The following ALDH8A1 variants were observed in gnomAD, a reference collection of about 807,000 sequenced individuals.
ALDH8A1 encodes 2-aminomuconic semialdehyde dehydrogenase.
ALDH8A1 carries 39 observed loss-of-function variants against 43.3 expected under a neutral mutation model. The observed-to-expected ratio is 0.90, with a 90% CI of 0.70 to 1.18. The LOEUF is 1.18. Among genes scored for constraint, ALDH8A1 ranks in the 50% most tolerant of loss-of-function variants. The pLI is 0.00. For missense variants in ALDH8A1, 605 were observed against 622.6 expected (o/e 0.97, Z 0.30); for synonymous variants, 233 against 243.5 (o/e 0.96, Z 0.40).
chr6:134,923,410 A>C (rs1172621581), intron 6 of ALDH8A1, among the ~76,000 whole-genome samples: 1 of 152,172 alleles, frequency 6.6e-6, no homozygotes, highest in Non-Finnish European at 1.5e-5. Flanking sequence ...GGGTTTTCAA[A>C]AGTTTTTTTT....
At chr6:134,933,283 G>A (rs1374516981) in intron 4 of ALDH8A1, among the ~76,000 whole-genome samples, 2 of 152,166 alleles carry the variant, frequency 1.3e-5, no homozygotes, top group African/African-American at 4.8e-5. Context: ...CTAGAGAGAT[G>A]CAGGGTGGAA....
intron 1 of ALDH8A1, among the ~76,000 whole-genome samples, chr6:134,948,055 A>C (rs894189399): frequency 2.0e-5 from 3 of 152,222 alleles, no homozygotes; most frequent in Non-Finnish European, 4.4e-5. Context: ...TACACAATGG[A>C]ATATTATTCA....
rs537234914 is a variant in ALDH8A1 at position 134,931,487 on chromosome 6, C to T, written c.849+1289G>A. ...CCATGTTGGCCAGGCTGGTCTCGAG[C>T]GCTCCTAACCTCAGGTGATCCACCC... is the stretch of plus-strand genomic sequence containing the variant. On this transcript the variant is annotated intron_variant, in intron 5 of 6. Transcript: ENST00000265605. Among the ~76,000 whole-genome samples, 14 of 109,300 alleles carry T rather than the reference C, an allele frequency of 1.3e-4. No individual in the cohort carries two copies. In the East Asian group the frequency reaches 2.8e-3, roughly 21 times the overall value. 71.7% of individuals were successfully genotyped at this position (109,300 alleles called of 152,430 possible).
intron 3 of ALDH8A1, 57 bp downstream of exon 3, chr6:134,942,352 T>C: frequency 1.3e-6 from 2 of 1,487,536 alleles, no homozygotes; most frequent in South Asian, 2.8e-5. Context: ...TGCCATAGAA[T>C]GTTGTGAGCA....
At chr6:134,929,982 A>G (rs563317470) in intron 5 of ALDH8A1, among the ~76,000 whole-genome samples, 1 of 152,340 alleles carries the variant, frequency 6.6e-6, no homozygotes, top group Admixed American at 6.5e-5. Flanking sequence ...GGTAGCTGGG[A>G]CCAGGGAGGC....
chr6:134,946,167 G>C (rs547111912), intron 1 of ALDH8A1, among the ~76,000 whole-genome samples: 23 of 152,290 alleles, frequency 1.5e-4, no homozygotes, highest in Admixed American at 1.2e-3. Context: ...ACTTTTAGCT[G>C]AGCTGAAGTA....
At chr6:134,942,352 T>A in intron 3 of ALDH8A1, 57 bp downstream of exon 3, 2 of 1,487,536 alleles carry the variant, frequency 1.3e-6, no homozygotes, top group Non-Finnish European at 1.8e-6. Context: ...TGCCATAGAA[T>A]GTTGTGAGCA....
intron 1 of ALDH8A1, among the ~76,000 whole-genome samples, chr6:134,944,510 T>C (rs989753583): frequency 6.6e-6 from 1 of 152,166 alleles, no homozygotes; most frequent in Non-Finnish European, 1.5e-5. Flanking sequence ...ATCCTGAATG[T>C]AGTAATCAGA....
intron 6 of ALDH8A1, among the ~76,000 whole-genome samples, chr6:134,926,884 G>A (rs945404411): frequency 6.6e-6 from 1 of 151,944 alleles, no homozygotes; most frequent in African/African-American, 2.4e-5. Context: ...CTTCTTGGAT[G>A]CCATTGGACC....
intron 5 of ALDH8A1, among the ~76,000 whole-genome samples, chr6:134,932,457 C>T (rs1777000702): frequency 6.6e-6 from 1 of 152,120 alleles, no homozygotes; most frequent in African/African-American, 2.4e-5. Flanking sequence ...GAATAAAAGA[C>T]AAGACAGGGC....
At chr6:134,946,824 A>G (rs77178753) in intron 1 of ALDH8A1, among the ~76,000 whole-genome samples, 29 of 90,630 alleles carry the variant, frequency 3.2e-4, no homozygotes, top group Admixed American at 9.9e-5. Flanking sequence ...GCACAGGTGC[A>G]CATGCCCATG....
At chr6:134,929,917 T>A (rs965250204) in intron 5 of ALDH8A1, among the ~76,000 whole-genome samples, 3 of 152,020 alleles carry the variant, frequency 2.0e-5, no homozygotes, top group Non-Finnish European at 2.9e-5. Flanking sequence ...AGGAAACAAG[T>A]GTGGGAAGAG....
At chr6:134,938,073 T>C (rs1337819263) in intron 4 of ALDH8A1, among the ~76,000 whole-genome samples, 1 of 152,180 alleles carries the variant, frequency 6.6e-6, no homozygotes. Context: ...AAGAAAGGTG[T>C]TCCGAAGCGG....
chr6:134,934,742 C>T (rs1773699764), intron 4 of ALDH8A1, among the ~76,000 whole-genome samples: 1 of 152,134 alleles, frequency 6.6e-6, no homozygotes, highest in Admixed American at 6.5e-5. Context: ...GAGATGGTGC[C>T]ACTGCACTCC....
chr6:134,936,329 T>C (rs986626371), intron 4 of ALDH8A1, among the ~76,000 whole-genome samples: 9 of 152,232 alleles, frequency 5.9e-5, no homozygotes, highest in African/African-American at 2.2e-4. Flanking sequence ...AGTCCTGGAT[T>C]GTAGGTCACT....
rs1261071937 is a variant in ALDH8A1, at chr6:134,918,817, G to A, written c.1062C>T (p.Cys354=). ...RALAEGAQIW[C]GEGVDKLSLP... is the part of the protein sequence containing the mutation. ...GGCTCAACTTATCCACTCCCTCACC[G>A]CACCAAATTTGGGCACCTTCAGCAA... The change falls in exon 7 of 7, where the codon TGC becomes TGT. Residue 354 remains cysteine, a synonymous_variant. Coordinates refer to ENST00000265605, the MANE Select transcript of ALDH8A1 (RefSeq NM_022568.4). The A allele has an allele frequency of 1.1e-5, 17 of 1,614,008 alleles. No homozygotes were observed. The highest frequency in any genetic ancestry group is 8.3e-5 in the Admixed American group (5 of 59,990).
In ALDH8A1 at chr6:134,918,286, T is replaced by C. The variant is rs565253099; in HGVS notation, c.*129A>G. ...GGGTAAAGTTACTAAGAACTGAGGATAAGCTAGAGATAACCTTCTGCCAAG... is the reference window on the plus strand; with the variant it reads ...GGGTAAAGTTACTAAGAACTGAGGACAAGCTAGAGATAACCTTCTGCCAAG... On this transcript the variant is annotated 3_prime_UTR_variant, in exon 7 of 7. Coordinates refer to ENST00000265605, the MANE Select transcript of ALDH8A1 (RefSeq NM_022568.4). 2.4e-6 allele frequency: 2 copies of C among 833,558 alleles called. No homozygotes were observed. Among genetic ancestry groups the C allele is most frequent in the South Asian group, 3.6e-5 (2 of 55,262 alleles). 51.6% of individuals were successfully genotyped at this position (833,558 alleles called of 1,614,324 possible). A position where few individuals can be genotyped will look rare whatever the true frequency, so the allele number is the denominator to read the frequency against.
At chr6:134,921,218 T>C (rs146777965) in intron 6 of ALDH8A1, among the ~76,000 whole-genome samples, 17 of 152,272 alleles carry the variant, frequency 1.1e-4, no homozygotes, top group Non-Finnish European at 1.6e-4. Flanking sequence ...GACAGGAAAC[T>C]GCAACAGTGG....
rs1380110570 is a variant in ALDH8A1, at chr6:134,918,184, A to G, written c.*231T>C. 2 of 524,808 alleles carry G rather than the reference A, an allele frequency of 3.8e-6. No homozygotes were observed. The highest frequency in any genetic ancestry group is 3.1e-5 in the South Asian group (1 of 31,964). 32.5% of individuals were successfully genotyped at this position (524,808 alleles called of 1,614,324 possible). ...ACCTGGGAGGAGCCTGACAACTGGC[A>G]TCATTGTTCTATCTTCCTACTTATA... On this transcript the variant is annotated 3_prime_UTR_variant, in exon 7 of 7. Transcript: ENST00000265605.
Sources: allele counts gnomAD v4.1 joint callset (sites outside exome capture counted in the v4.1 genomes callset), GRCh38; gene constraint gnomAD v4.1.1; transcripts MANE v1.5; gene names NCBI Gene and HGNC (gene_info 2026-07-23, HGNC 2026-07-21).